SCG2: variants seen among roughly 807,000 people sequenced by gnomAD.
The protein encoded by SCG2 is secretogranin II.
A neutral mutation model predicts 49.5 loss-of-function variants in SCG2; 23 were observed. The observed-to-expected ratio is 0.46, with a 90% CI of 0.33 to 0.66. SCG2 has a LOEUF of 0.66. SCG2 is among the 30% of genes least tolerant of loss of function. The probability of loss-of-function intolerance (pLI) is 0.01; values close to 1 mark genes in which losing one functional copy is unlikely to be tolerated. For missense variants in SCG2, 730 were observed against 728.2 expected, an observed-to-expected ratio of 1.00 and a Z score of -0.03; for synonymous variants, 288 against 260.4, an observed-to-expected ratio of 1.11 and a Z score of -1.02.
chr2:223,598,691 A>G lies in SCG2; in HGVS notation c.592T>C (p.Leu198=), dbSNP rs1329721359. Residue 198 remains leucine (L), a synonymous_variant, in exon 2 of 2, where the codon TTG becomes CTG. Transcript: ENST00000305409. ...EQYTPQSLAT[L]ESVFQELGKL... ...CCCAGCTCTTGGAAGACAGATTCCA[A>G]TGTAGCAAGGCTTTGAGGAGTATAT... 2 of 1,613,860 alleles carry G rather than the reference A, an allele frequency of 1.2e-6. No homozygotes were observed. Among genetic ancestry groups the G allele is most frequent in the Non-Finnish European group, 8.5e-7 (1 of 1,180,042 alleles).
At position 223,598,097 on chromosome 2, in the gene SCG2, C is replaced by T; in HGVS notation, c.1186G>A (p.Glu396Lys). The T allele has an allele frequency of 6.2e-7, 1 of 1,606,300 alleles. No homozygotes were observed. The highest frequency in any genetic ancestry group is 8.5e-7 in the Non-Finnish European group (1 of 1,176,052). ...DLPVDLDDIS[E>K]ADLDHPDLFQ... The stretch of plus-strand genomic sequence containing the variant: ...AGGTCTGGATGGTCTAAGTCAGCCT[C>T]TGAGATGTCATCTAGGTCAACAGGA... Residue 396 changes from glutamate to lysine, a missense_variant, in exon 2 of 2, where the codon GAG (glutamate) becomes AAG (lysine). By Grantham distance (56) the Glu-to-Lys change is moderately conservative. Coordinates refer to ENST00000305409, the MANE Select transcript of SCG2 (RefSeq NM_003469.5).
At position 223,598,286 on chromosome 2, in the gene SCG2, C is replaced by T. The variant is rs1403353589; in HGVS notation, c.997G>A (p.Glu333Lys). The change falls in exon 2 of 2, where the codon GAA becomes AAA. Residue 333 changes from glutamate to lysine, a missense_variant. By Grantham distance (56) the Glu-to-Lys change is moderately conservative. Transcript: ENST00000305409. ...TTCTCAAAAAGCCTGGTGGCCCTTT[C>T]CCCATTTTGCCCATTCTGTAACCTC... ...SGRLQNGQNG[E>K]RATRLFEKPL... 6.2e-7 allele frequency: 1 copy of T among 1,614,110 alleles called. No individual in the cohort carries two copies. The highest frequency in any genetic ancestry group is 8.5e-7 in the Non-Finnish European group (1 of 1,180,036).
At chr2:223,599,959 T>C (rs922078557) in intron 1 of SCG2, among the ~76,000 whole-genome samples, 3 of 152,212 alleles carry the variant, frequency 2.0e-5, no homozygotes, top group Admixed American at 6.5e-5. Flanking sequence ...CCGAATCCAA[T>C]GATCCATAAA....
rs1691366703 is a variant in SCG2, at chr2:223,600,046, C to G, written c.-14-750G>C. ...TGAAGTTTCTTTTTGTGTGAACGTG[C>G]TAAACCAATAAAGTGTTTTAAAATC... On this transcript the variant is annotated intron_variant, in intron 1 of 1. Transcript: ENST00000305409. Among the ~76,000 whole-genome samples, 3 of 152,152 alleles carry G rather than the reference C, an allele frequency of 2.0e-5. No individual in the cohort carries two copies. The South Asian group carries it at 6.2e-4, about 32-fold the overall frequency.
chr2:223,599,251 G>C lies in SCG2; in HGVS notation c.32C>G (p.Ala11Gly). The C allele has an allele frequency of 6.3e-7, 1 of 1,591,392 alleles. No individual in the cohort carries two copies. Among genetic ancestry groups the C allele is most frequent in the Non-Finnish European group, 8.6e-7 (1 of 1,162,630 alleles). The change falls in exon 2 of 2, where the codon GCA (alanine) becomes GGA (glycine). Residue 11 changes from alanine (A) to glycine (G), a missense_variant. Physicochemically the swap from Ala to Gly is moderately conservative, Grantham distance 60. Transcript: ENST00000305409. MAEAKTHWLG[A>G]ALSLIPLIFL... ...AATTAAAGGGATAAGAGACAGGGCTGCTCCAAGCCAGTGGGTCTTTGCTTC... is the reference window on the plus strand; with the variant it reads ...AATTAAAGGGATAAGAGACAGGGCTCCTCCAAGCCAGTGGGTCTTTGCTTC...
In SCG2 at chr2:223,598,922, C is replaced by T; in HGVS notation, c.361G>A (p.Ala121Thr). The T allele has an allele frequency of 1.2e-6, 2 of 1,614,144 alleles. No individual in the cohort carries two copies. The highest frequency in any genetic ancestry group is 1.7e-6 in the Non-Finnish European group (2 of 1,180,026). ...GGTGCAGACTGAGGCTCATTTTCAG[C>T]CTGTCTCAAAGCTTCGAGTATTATT... The part of the protein sequence containing the change: ...MRIILEALRQ[A>T]ENEPQSAPKE... The change falls in exon 2 of 2, where the codon GCT (alanine) becomes ACT (threonine). Residue 121 changes from alanine (A) to threonine (T), a missense_variant. Ala to Thr is a moderately conservative substitution (Grantham distance 58). Coordinates refer to ENST00000305409, the MANE Select transcript of SCG2 (RefSeq NM_003469.5).
chr2:223,597,873 A>T lies in SCG2; in HGVS notation c.1410T>A (p.Ala470=). 1 of 1,614,196 alleles carries T rather than the reference A, an allele frequency of 6.2e-7. No homozygotes were observed. The highest frequency in any genetic ancestry group is 8.5e-7 in the Non-Finnish European group (1 of 1,180,040). ...EKVLPRLPYG[A]GRSRSNQLPK... Reference sequence around the variant, plus strand: ...GAAGCTGGTTCGATCTAGATCTTCCAGCACCATAAGGGAGCCTTGGCAGAA... The same window carrying T: ...GAAGCTGGTTCGATCTAGATCTTCCTGCACCATAAGGGAGCCTTGGCAGAA... Residue 470 remains alanine (A), a synonymous_variant, in exon 2 of 2, where the codon GCT becomes GCA. Transcript: ENST00000305409.
At position 223,598,561 on chromosome 2, in the gene SCG2, T is replaced by G; in HGVS notation, c.722A>C (p.Tyr241Ser). The change falls in exon 2 of 2, where the codon TAT becomes TCT. Residue 241 changes from tyrosine (Y) to serine (S), a missense_variant. Coordinates refer to ENST00000305409, the MANE Select transcript of SCG2 (RefSeq NM_003469.5). Reference sequence around the variant, plus strand: ...GTCTTCTCCCCCGACCACATCTTCATAGGCAATGTTATTAGCCTTGTAGAT... The same window carrying G: ...GTCTTCTCCCCCGACCACATCTTCAGAGGCAATGTTATTAGCCTTGTAGAT... ...DDIYKANNIA[Y>S]EDVVGGEDWN... The G allele has an allele frequency of 6.2e-7, 1 of 1,614,116 alleles. No individual in the cohort carries two copies. Among genetic ancestry groups the G allele is most frequent in the African/African-American group, 1.3e-5 (1 of 75,066 alleles).
In SCG2 at chr2:223,599,022, G is replaced by C. The variant is rs1041243518; in HGVS notation, c.261C>G (p.Pro87=). The change falls in exon 2 of 2, where the codon CCC becomes CCG. Residue 87 remains proline, a synonymous_variant. Coordinates refer to ENST00000305409, the MANE Select transcript of SCG2 (RefSeq NM_003469.5). ...CATCGCCATTTTCTTTTTGCTGAAG[G>C]GGGACAGAGACACCTTGGTAGGGAT... ...DYNPYQGVSV[P]LQQKENGDES... 4 of 1,614,050 alleles carry C rather than the reference G, an allele frequency of 2.5e-6. No homozygotes were observed. The African/African-American group carries it at 4.0e-5, about 16-fold the overall frequency.
Position 223,597,344 on chromosome 2 carries a change from A to G in SCG2, c.*85T>C. On this transcript the variant is annotated 3_prime_UTR_variant, in exon 2 of 2. Transcript: ENST00000305409. ...CATTTAAAGATATTACAGTGTTAAC[A>G]GGATAGAAGTCAACACACTGAAGAG... is the stretch of plus-strand genomic sequence containing the variant. 6.8e-7 allele frequency: 1 copy of G among 1,467,728 alleles called. No individual in the cohort carries two copies. The highest frequency in any genetic ancestry group is 1.4e-5 in the South Asian group (1 of 71,846). The allele number at this position is 1,467,728 out of a possible 1,614,324, so 90.9% of individuals were successfully genotyped here. A position where few individuals can be genotyped will look rare whatever the true frequency, so the allele number is the denominator to read the frequency against.
In SCG2 at chr2:223,597,288, C is replaced by T. The variant is rs942624093; in HGVS notation, c.*141G>A. 2.9e-6 allele frequency: 3 copies of T among 1,041,332 alleles called. No homozygotes were observed. The highest frequency in any genetic ancestry group is 3.2e-5 in the African/African-American group (2 of 62,442). The allele number at this position is 1,041,332 out of a possible 1,614,324, so 64.5% of individuals were successfully genotyped here. ...AGCTCAGAGGAAATGAAGCAGACTC[C>T]CCAGTGACCTGGTTTCATCTGCCTG... On this transcript the variant is annotated 3_prime_UTR_variant, in exon 2 of 2. Transcript: ENST00000305409.
Position 223,599,217 on chromosome 2 carries a change from G to T in SCG2, c.66C>A (p.Ile22=). The T allele has an allele frequency of 6.2e-7, 1 of 1,609,430 alleles. No homozygotes were observed. Among genetic ancestry groups the T allele is most frequent in the Non-Finnish European group, 8.5e-7 (1 of 1,175,918 alleles). The change falls in exon 2 of 2, where the codon ATC becomes ATA. Residue 22 remains isoleucine (I), a synonymous_variant. Coordinates refer to ENST00000305409, the MANE Select transcript of SCG2 (RefSeq NM_003469.5). ...ALSLIPLIFL[I]SGAEAASFQR... is the part of the protein sequence containing the mutation. ...GAAATGAAGCTGCTTCAGCCCCAGA[G>T]ATGAGGAAAATTAAAGGGATAAGAG...
chr2:223,598,249 G>T lies in SCG2; in HGVS notation c.1034C>A (p.Ser345Tyr). 1 of 1,614,196 alleles carries T rather than the reference G, an allele frequency of 6.2e-7. No individual in the cohort carries two copies. The highest frequency in any genetic ancestry group is 1.1e-5 in the South Asian group (1 of 91,088). Reference sequence around the variant, plus strand: ...TTCAATCAGCTGATAAATAGACTGAGAATCAAGAGGTTTCTCAAAAAGCCT... The same window carrying T: ...TTCAATCAGCTGATAAATAGACTGATAATCAAGAGGTTTCTCAAAAAGCCT... ...ATRLFEKPLD[S>Y]QSIYQLIEIS... The change falls in exon 2 of 2, where the codon TCT becomes TAT. Residue 345 changes from serine to tyrosine, a missense_variant. By Grantham distance (144) the Ser-to-Tyr change is moderately radical (BLOSUM62 -2). Transcript: ENST00000305409.
intron 1 of SCG2, among the ~76,000 whole-genome samples, chr2:223,601,649 T>C (rs1350145263): frequency 1.3e-5 from 2 of 152,196 alleles, no homozygotes; most frequent in Non-Finnish European, 2.9e-5. Flanking sequence ...TATTTTGCCC[T>C]GGAAAAAGGA....
rs1691311880 is a variant in SCG2 at position 223,597,381 on chromosome 2, T to C, written c.*48A>G. 1 of 1,535,246 alleles carries C rather than the reference T, an allele frequency of 6.5e-7. No individual in the cohort carries two copies. Among genetic ancestry groups the C allele is most frequent in the African/African-American group, 1.4e-5 (1 of 72,300 alleles). Reference sequence around the variant, plus strand: ...AACACACTGAAGAGAAATGTTGGGATTTGCTTGGGGTGGGAGGAATGAAAG... The same window carrying C: ...AACACACTGAAGAGAAATGTTGGGACTTGCTTGGGGTGGGAGGAATGAAAG... On this transcript the variant is annotated 3_prime_UTR_variant, in exon 2 of 2. Transcript: ENST00000305409.
rs1185850509 is a variant in SCG2 at position 223,598,005 on chromosome 2, G to A, written c.1278C>T (p.Ala426=). The A allele has an allele frequency of 3.7e-6, 6 of 1,613,636 alleles. No homozygotes were observed. The highest frequency in any genetic ancestry group is 4.2e-6 in the Non-Finnish European group (5 of 1,179,840). Residue 426 remains alanine, a synonymous_variant, in exon 2 of 2, where the codon GCC becomes GCT. Transcript: ENST00000305409. ...PKTPGRAGTE[A]LPDGLSVEDI... ...CCTCAACACTGAGCCCGTCTGGTAGGGCCTCAGTCCCAGCACGACCAGGTG... is the reference window on the plus strand; with the variant it reads ...CCTCAACACTGAGCCCGTCTGGTAGAGCCTCAGTCCCAGCACGACCAGGTG...
At position 223,598,961 on chromosome 2, in the gene SCG2, C is replaced by G; in HGVS notation, c.322G>C (p.Glu108Gln). ...HLPERDSLSEEDWMRIILEAL... is the reference protein window; with the variant it reads ...HLPERDSLSEQDWMRIILEAL... ...TCGAGTATTATTCTCATCCAGTCTT[C>G]TTCACTCAGTGAATCCCTCTCGGGC... is the stretch of plus-strand genomic sequence containing the variant. The change falls in exon 2 of 2, where the codon GAA becomes CAA. Residue 108 changes from glutamate to glutamine, a missense_variant. Coordinates refer to ENST00000305409, the MANE Select transcript of SCG2 (RefSeq NM_003469.5). 2 of 1,614,242 alleles carry G rather than the reference C, an allele frequency of 1.2e-6. No homozygotes were observed. Among genetic ancestry groups the G allele is most frequent in the Non-Finnish European group, 1.7e-6 (2 of 1,180,032 alleles).
In SCG2 at chr2:223,599,302, A is replaced by G. The variant is rs1199510649; in HGVS notation, c.-14-6T>C. ...AGCCATGTTTGAAAGATTTCCTTAA[A>G]ACATAAAAAATATGAGTTACACAAA... On this transcript the variant is annotated splice_polypyrimidine_tract_variant and splice_region_variant and intron_variant, in intron 1 of 1. Coordinates refer to ENST00000305409, the MANE Select transcript of SCG2 (RefSeq NM_003469.5). 1 of 1,541,222 alleles carries G rather than the reference A, an allele frequency of 6.5e-7. No homozygotes were observed. Among genetic ancestry groups the G allele is most frequent in the Non-Finnish European group, 8.7e-7 (1 of 1,143,466 alleles).
At chr2:223,599,570 CTTAAATT>C (rs1254023882) in intron 1 of SCG2, among the ~76,000 whole-genome samples, 2 of 152,118 alleles carry the variant, frequency 1.3e-5, no homozygotes, top group Non-Finnish European at 2.9e-5. Flanking sequence ...TATGAGATTT[CTTAAATT>C]TTATTTTTTC....
Sources: gnomAD v4.1 joint callset for allele counts (sites outside exome capture counted in the v4.1 genomes callset) on GRCh38, gnomAD v4.1.1 for gene constraint, MANE v1.5 for transcripts, NCBI Gene and HGNC (gene_info 2026-07-23, HGNC 2026-07-21) for gene names.